NT5DC3: variants seen among roughly 807,000 people sequenced by gnomAD.
NT5DC3 encodes 5'-nucleotidase domain containing 3, also known as 5'-nucleotidase domain-containing protein 3.
Under a neutral mutation model 67.8 loss-of-function variants are expected in NT5DC3, and 42 were observed. The ratio of observed to expected loss-of-function variants is 0.62; its 90% CI spans 0.48 to 0.80. The LOEUF is 0.80. Ranked by LOEUF, NT5DC3 falls within the 30% of genes least tolerant of loss-of-function variation. The pLI, the probability that NT5DC3 is intolerant of heterozygous loss-of-function variation, is 0.00. For synonymous variants in NT5DC3, 237 were observed against 255.6 expected (o/e 0.93, Z 0.69); for missense variants, 570 against 696.4 (o/e 0.82, Z 2.04).
chr12:103,760,364 G>A, the NT5DC3 span, among the ~76,000 whole-genome samples: 8 of 152,142 alleles, frequency 5.3e-5, no homozygotes, highest in Admixed American at 2.0e-4. Context: ...GGATTCAAGC[G>A]ATCCTCCTGC....
intron 1 of NT5DC3, among the ~76,000 whole-genome samples, chr12:103,834,240 G>A (rs1739483613): frequency 1.3e-5 from 2 of 151,818 alleles, no homozygotes. Flanking sequence ...GTTTAAACCA[G>A]TTATTTCTTT....
At chr12:103,759,116 T>G in the NT5DC3 span, 1,185 of 1,614,120 alleles carry the variant, frequency 7.3e-4, 18 homozygotes, top group East Asian at 0.023. Context: ...CATTCTGTGT[T>G]TCTCCTTTTT....
chr12:103,799,156 G>C (rs75134775), intron 4 of NT5DC3, among the ~76,000 whole-genome samples: 2,651 of 152,298 alleles, frequency 0.017, 89 homozygotes, highest in East Asian at 0.17. Flanking sequence ...TTGCTTTGGG[G>C]TGGGCTGGCT....
intron 11 of NT5DC3, 194 bp from the exon 12 acceptor site, chr12:103,785,669 GA>G: frequency 1.6e-6 from 1 of 626,846 alleles, no homozygotes; most frequent in South Asian, 1.5e-5. Flanking sequence ...TTCATTCCAA[GA>G]AAGTTTCAGT....
At chr12:103,766,248 C>T, downstream of NT5DC3, 2 of 1,613,726 alleles carry the variant, frequency 1.2e-6, no homozygotes, top group African/African-American at 2.7e-5. Flanking sequence ...ACTCAACACA[C>T]AGAATGCCCT....
chr12:103,827,010 A>ATGG, intron 1 of NT5DC3, among the ~76,000 whole-genome samples: 1 of 152,288 alleles, frequency 6.6e-6, no homozygotes, highest in South Asian at 2.1e-4. Flanking sequence ...TTGGGAGGCC[A>ATGG]AGGTAGGCGG....
the NT5DC3 span, among the ~76,000 whole-genome samples, chr12:103,754,032 C>T: frequency 6.6e-6 from 1 of 152,182 alleles, no homozygotes; most frequent in African/African-American, 2.4e-5. Flanking sequence ...GGTTGGAGTT[C>T]CAGGCTGGTG....
chr12:103,822,475 A>C (rs539789326), intron 1 of NT5DC3, among the ~76,000 whole-genome samples: 1 of 152,370 alleles, frequency 6.6e-6, no homozygotes, highest in South Asian at 2.1e-4. Context: ...TAGATGTCTC[A>C]ACAGGTGGAA....
chr12:103,795,243 C>G (rs898552312), intron 6 of NT5DC3, among the ~76,000 whole-genome samples: 5 of 152,170 alleles, frequency 3.3e-5, no homozygotes, highest in African/African-American at 9.6e-5. Flanking sequence ...CCTCGATGTC[C>G]TTATTTGTAA....
chr12:103,759,038 C>T, the NT5DC3 span: 7 of 1,598,674 alleles, frequency 4.4e-6, no homozygotes, highest in Non-Finnish European at 3.4e-6. Context: ...AAGCCTAGGC[C>T]ATGAGAAGCA....
chr12:103,805,096 G>A lies in NT5DC3; in HGVS notation c.524+1226C>T, dbSNP rs183053509. Among the ~76,000 whole-genome samples the A allele has an allele frequency of 5.3e-5, 8 of 151,278 alleles. No individual in the cohort carries two copies. The East Asian group carries it at 9.7e-4, about 18-fold the overall frequency. On this transcript the variant is annotated intron_variant, in intron 4 of 13. Transcript: ENST00000392876. The stretch of plus-strand genomic sequence containing the variant: ...AAGAGTGAACCAGGCAAGACCTTCT[G>A]AGTCATAATGTAAACAGTGACCAGT...
chr12:103,763,460 C>T, the NT5DC3 span: 1 of 1,604,932 alleles, frequency 6.2e-7, no homozygotes, highest in South Asian at 1.1e-5. Flanking sequence ...TTTGGGGATG[C>T]TCCTGGCTTT....
intron 4 of NT5DC3, among the ~76,000 whole-genome samples, chr12:103,801,732 G>A (rs1032419206): frequency 5.3e-5 from 8 of 152,120 alleles, no homozygotes; most frequent in Non-Finnish European, 1.5e-5. Flanking sequence ...GAGAAAGGCT[G>A]TTTTTGTCTC....
At chr12:103,839,265 T>C (rs939394253) in intron 1 of NT5DC3, among the ~76,000 whole-genome samples, 1 of 152,212 alleles carries the variant, frequency 6.6e-6, no homozygotes, top group Non-Finnish European at 1.5e-5. Context: ...GTTTATTTTT[T>C]ACACAGGGTC....
At chr12:103,813,928 C>A (rs1201747908) in intron 2 of NT5DC3, among the ~76,000 whole-genome samples, 1 of 152,200 alleles carries the variant, frequency 6.6e-6, no homozygotes, top group African/African-American at 2.4e-5. Flanking sequence ...CCACCCTCAG[C>A]CCTCCTTTGC....
chr12:103,824,255 G>A (rs1463888060), intron 1 of NT5DC3, among the ~76,000 whole-genome samples: 1 of 152,186 alleles, frequency 6.6e-6, no homozygotes, highest in Non-Finnish European at 1.5e-5. Context: ...ACCTTAAAGA[G>A]ATTTAAATTT....
At chr12:103,828,568 A>C (rs753588696) in intron 1 of NT5DC3, among the ~76,000 whole-genome samples, 1 of 152,158 alleles carries the variant, frequency 6.6e-6, no homozygotes, top group African/African-American at 2.4e-5. Flanking sequence ...TAATACAAAG[A>C]ACACCCACAT....
intron 9 of NT5DC3, among the ~76,000 whole-genome samples, chr12:103,789,281 G>A (rs1885935950): frequency 6.6e-6 from 1 of 152,044 alleles, no homozygotes; most frequent in African/African-American, 2.4e-5. Context: ...AAAATTAGCT[G>A]AGCATGGTGG....
At chr12:103,833,779 G>A (rs1408661835) in intron 1 of NT5DC3, among the ~76,000 whole-genome samples, 3 of 151,630 alleles carry the variant, frequency 2.0e-5, no homozygotes, top group African/African-American at 7.3e-5. Context: ...CCGTCTTGGA[G>A]GAGTAGGAAG....
Sources: allele counts gnomAD v4.1 joint callset (sites outside exome capture counted in the v4.1 genomes callset), GRCh38; gene constraint gnomAD v4.1.1; transcripts MANE v1.5; gene names NCBI Gene and HGNC (gene_info 2026-07-23, HGNC 2026-07-21).